Variants in RNF144A observed in about 807,000 individuals in gnomAD.
RNF144A encodes E3 ubiquitin-protein ligase RNF144A.
Under a neutral mutation model 38.7 loss-of-function variants are expected in RNF144A, and 11 were observed. The observed-to-expected ratio is 0.28, with a 90% CI of 0.18 to 0.47. The LOEUF (loss-of-function observed/expected upper bound fraction) is 0.47. Ranked by LOEUF, RNF144A falls within the 20% of genes least tolerant of loss-of-function variation. The pLI is 0.99. For missense variants in RNF144A, 316 were observed against 377.2 expected, an observed-to-expected ratio of 0.84 and a Z score of 1.34; for synonymous variants, 149 against 143.9, an observed-to-expected ratio of 1.04 and a Z score of -0.25.
intron 6 of RNF144A, among the ~76,000 whole-genome samples, chr2:7,054,538 C>T (rs1324623525): frequency 6.6e-6 from 1 of 152,186 alleles, no homozygotes; most frequent in East Asian, 1.9e-4. Flanking sequence ...TGCCAAATCC[C>T]TCATAGGTGC....
At chr2:7,007,296 TC>T (rs1310857922) in intron 3 of RNF144A, among the ~76,000 whole-genome samples, 2 of 152,222 alleles carry the variant, frequency 1.3e-5, no homozygotes, top group African/African-American at 4.8e-5. Context: ...GATAGAATGA[TC>T]TTCAGTTGTC....
chr2:6,982,330 G>A (rs1668684269), intron 2 of RNF144A, among the ~76,000 whole-genome samples: 1 of 152,196 alleles, frequency 6.6e-6, no homozygotes, highest in African/African-American at 2.4e-5. Context: ...GGTACATGGG[G>A]ACTTCTTTAT....
intron 6 of RNF144A, among the ~76,000 whole-genome samples, chr2:7,023,863 A>G (rs1671695406): frequency 6.6e-6 from 1 of 152,248 alleles, no homozygotes; most frequent in Non-Finnish European, 1.5e-5. Context: ...CTTCTGAGGA[A>G]AACAATTCTG....
Position 6,928,564 on chromosome 2 carries a change from C to T in RNF144A, c.-212+10942C>T, listed in dbSNP as rs149551684. Among the ~76,000 whole-genome samples, 256 of 152,350 alleles carry T rather than the reference C, an allele frequency of 1.7e-3. 3 individuals are homozygous for T. Among genetic ancestry groups the T allele is most frequent in the African/African-American group, 5.8e-3 (242 of 41,584 alleles). On this transcript the variant is annotated intron_variant, in intron 1 of 8. Coordinates refer to ENST00000320892, the MANE Select transcript of RNF144A (RefSeq NM_014746.6). ...GAATACTAGACGTGCCCCCAGGCCA[C>T]CAGCTTCTAGCCCACGTACTGCTGT...
chr2:7,066,165 A>G (rs970043683), intron 6 of RNF144A, among the ~76,000 whole-genome samples: 17 of 151,250 alleles, frequency 1.1e-4, no homozygotes, highest in East Asian at 3.9e-4. Flanking sequence ...TCGGCTCACT[A>G]CAAGCTCCGC....
At chr2:7,034,315 C>T (rs911989133) in intron 8 of RNF144A, among the ~76,000 whole-genome samples, 9 of 151,492 alleles carry the variant, frequency 5.9e-5, no homozygotes, top group East Asian at 1.9e-4. Context: ...AGACTTGGAG[C>T]GATAGTGTTT....
chr2:6,987,849 G>C (rs933478093), intron 2 of RNF144A, among the ~76,000 whole-genome samples: 2 of 152,178 alleles, frequency 1.3e-5, no homozygotes, highest in Non-Finnish European at 2.9e-5. Flanking sequence ...AAATGACTAA[G>C]AGCAGCTTTC....
chr2:7,054,491 GTT>G, intron 6 of RNF144A, among the ~76,000 whole-genome samples: 1 of 152,224 alleles, frequency 6.6e-6, no homozygotes, highest in East Asian at 1.9e-4. Context: ...TGTCATGCAA[GTT>G]AAAGTCTGAG....
chr2:7,056,198 T>C (rs953011411), intron 6 of RNF144A, among the ~76,000 whole-genome samples: 1 of 152,174 alleles, frequency 6.6e-6, no homozygotes, highest in Non-Finnish European at 1.5e-5. Flanking sequence ...ATGGTGGCCG[T>C]TCTGATCTTA....
At chr2:7,015,235 C>T (rs182218728) in intron 5 of RNF144A, among the ~76,000 whole-genome samples, 3 of 152,316 alleles carry the variant, frequency 2.0e-5, no homozygotes, top group East Asian at 3.9e-4. Context: ...TGCGCTTACT[C>T]ACCACTGGAC....
intron 8 of RNF144A, among the ~76,000 whole-genome samples, chr2:7,031,739 G>A (rs765260746): frequency 1.3e-5 from 2 of 152,246 alleles, no homozygotes; most frequent in African/African-American, 4.8e-5. Flanking sequence ...CTTAAATGCC[G>A]ACCACGTGGC....
intron 2 of RNF144A, among the ~76,000 whole-genome samples, chr2:6,952,709 T>C (rs567046174): frequency 2.6e-5 from 4 of 151,926 alleles, no homozygotes; most frequent in African/African-American, 9.6e-5. Flanking sequence ...ATTTTATATA[T>C]ACATATACAC....
chr2:7,068,034 C>T (rs1030926837), intron 6 of RNF144A, among the ~76,000 whole-genome samples: 9 of 152,228 alleles, frequency 5.9e-5, no homozygotes, highest in African/African-American at 2.2e-4. Context: ...GGTCCCCACC[C>T]TGCTCCTTGG....
intron 7 of RNF144A, 56 bp from the exon 8 acceptor site, chr2:7,030,070 C>A: frequency 1.7e-6 from 2 of 1,205,352 alleles, no homozygotes; most frequent in Non-Finnish European, 2.5e-6. Context: ...CTGTGATACT[C>A]ACCGAACTGA....
At chr2:6,945,527 G>C (rs557627962) in intron 2 of RNF144A, among the ~76,000 whole-genome samples, 29 of 152,246 alleles carry the variant, frequency 1.9e-4, no homozygotes, top group African/African-American at 6.7e-4. Flanking sequence ...AAATTGGAGG[G>C]AGACGGTCAA....
intron 2 of RNF144A, among the ~76,000 whole-genome samples, chr2:6,942,566 G>T (rs1666070705): frequency 6.6e-6 from 1 of 152,226 alleles, no homozygotes; most frequent in Non-Finnish European, 1.5e-5. Context: ...TTCCAGAGTG[G>T]TTGTGAATAT....
downstream of RNF144A, among the ~76,000 whole-genome samples, chr2:7,070,529 C>T (rs1674428766): frequency 6.6e-6 from 1 of 152,198 alleles, no homozygotes; most frequent in South Asian, 2.1e-4. Flanking sequence ...GAAGTCCCCC[C>T]TCCCAGTACA....
chr2:7,043,205 A>G lies in RNF144A; in HGVS notation c.*3445A>G, dbSNP rs932289385. On this transcript the variant is annotated 3_prime_UTR_variant, in exon 9 of 9. Coordinates refer to ENST00000320892, the MANE Select transcript of RNF144A (RefSeq NM_014746.6). ...GGGGAACAAATGATCTTGACAACAT[A>G]TTATTCCATAAAACCAGTTTAGGGC... 1.2e-5 allele frequency: 12 copies of G among 985,376 alleles called. No individual in the cohort carries two copies. Among genetic ancestry groups the G allele is most frequent in the Non-Finnish European group, 1.4e-5 (12 of 829,908 alleles). The allele number at this position is 985,376 out of a possible 1,614,324, so 61.0% of individuals were successfully genotyped here. A position where few individuals can be genotyped will look rare whatever the true frequency, so the allele number is the denominator to read the frequency against.
chr2:7,008,948 G>A (rs543082341), intron 3 of RNF144A, among the ~76,000 whole-genome samples: 20 of 152,340 alleles, frequency 1.3e-4, no homozygotes, highest in South Asian at 2.1e-4. Context: ...TTCCCACCTG[G>A]AGTTCTTGAA....
Sources: allele counts gnomAD v4.1 joint callset (sites outside exome capture counted in the v4.1 genomes callset), GRCh38; gene constraint gnomAD v4.1.1; transcripts MANE v1.5; gene names NCBI Gene and HGNC (gene_info 2026-07-23, HGNC 2026-07-21).